Variants in AHNAK2 observed in about 807,000 individuals in gnomAD.
AHNAK2 encodes the protein AHNAK nucleoprotein 2.
Under a neutral mutation model 30.7 loss-of-function variants are expected in AHNAK2, and 18 were observed. The observed-to-expected ratio is 0.59, with a 90% confidence interval of 0.41 to 0.87. AHNAK2 has a LOEUF of 0.87. Ranked by LOEUF, AHNAK2 falls within the 40% of genes least tolerant of loss-of-function variation. The pLI is 0.00. For synonymous variants in AHNAK2, 3,590 were observed against 3,073.8 expected (o/e 1.17, Z -5.56); for missense variants, 8,604 against 7,373.0 (o/e 1.17, Z -6.11).
chr14:104,939,350 C>G lies in AHNAK2; in HGVS notation c.16101G>C (p.Gln5367His), dbSNP rs1482873812. ...GTTGATCCACATTAACCACAGAAAT[C>G]TGGGATGGCATATCAGTACTTGAAG... ...LKASSTDMPS[Q>H]ISVVNVDQLW... is the part of the protein sequence containing the mutation. Residue 5367 changes from glutamine to histidine, a missense_variant, in exon 7 of 7, where the codon CAG becomes CAC. Physicochemically the swap from Gln to His is conservative, Grantham distance 24. Coordinates refer to ENST00000333244, the MANE Select transcript of AHNAK2 (RefSeq NM_138420.4). The G allele has an allele frequency of 2.1e-5, 34 of 1,613,598 alleles. No individual in the cohort carries two copies. The highest frequency in any genetic ancestry group is 2.6e-5 in the Non-Finnish European group (31 of 1,179,874).
chr14:104,959,835 A>G (rs1247349578), intron 1 of AHNAK2, among the ~76,000 whole-genome samples: 1 of 152,206 alleles, frequency 6.6e-6, no homozygotes, highest in Non-Finnish European at 1.5e-5. Flanking sequence ...CTATGCAGGC[A>G]AATATAAAAG....
intron 1 of AHNAK2, among the ~76,000 whole-genome samples, chr14:104,959,858 T>C (rs1000842402): frequency 1.3e-5 from 2 of 152,172 alleles, no homozygotes; most frequent in African/African-American, 4.8e-5. Context: ...TCTATGAATA[T>C]ATATTGTCCT....
At chr14:104,977,114 G>T in intron 1 of AHNAK2, among the ~76,000 whole-genome samples, 1 of 152,306 alleles carries the variant, frequency 6.6e-6, no homozygotes, top group East Asian at 1.9e-4. Flanking sequence ...GCCTGCTGCA[G>T]CTGGGGGGCA....
In AHNAK2 at chr14:104,948,163, G is replaced by A. The variant is rs374763203; in HGVS notation, c.7288C>T (p.Leu2430=). The A allele has an allele frequency of 9.4e-5, 152 of 1,612,454 alleles. No individual in the cohort carries two copies. Among genetic ancestry groups the A allele is most frequent in the Non-Finnish European group, 2.4e-5 (28 of 1,179,594 alleles). ...QIDVKGPKLD[L]KGPKTDVMAP... is the part of the protein sequence containing the mutation. ...ATCACGTCCGTCTTGGGGCCTTTCA[G>A]GTCCAGCTTGGGGCCCTTGACATCT... The change falls in exon 7 of 7, where the codon CTG becomes TTG. Residue 2430 remains leucine, a synonymous_variant. Transcript: ENST00000333244.
In AHNAK2 at chr14:104,939,489, A is replaced by G; in HGVS notation, c.15962T>C (p.Leu5321Pro). Residue 5321 changes from leucine to proline, a missense_variant, in exon 7 of 7, where the codon CTT becomes CCT. Physicochemically the swap from Leu to Pro is moderately conservative, Grantham distance 98. Coordinates refer to ENST00000333244, the MANE Select transcript of AHNAK2 (RefSeq NM_138420.4). ...PGMRLPETQVLPGEIDETPLS... is the reference protein window; with the variant it reads ...PGMRLPETQVPPGEIDETPLS... ...AGGAGTCTCATCTATTTCTCCTGGA[A>G]GAACCTGGGTTTCTGGAAGCCTCAT... The G allele has an allele frequency of 6.2e-7, 1 of 1,613,588 alleles. No individual in the cohort carries two copies. The highest frequency in any genetic ancestry group is 1.1e-5 in the South Asian group (1 of 91,080).
In AHNAK2 at chr14:104,950,745, C is replaced by G. The variant is rs376661038; in HGVS notation, c.4706G>C (p.Gly1569Ala). 263 of 1,587,984 alleles carry G rather than the reference C, an allele frequency of 1.7e-4. 29 individuals carry two copies. In the South Asian group the frequency reaches 2.7e-3, roughly 16 times the overall value. Residue 1569 changes from glycine to alanine, a missense_variant, in exon 7 of 7, where the codon GGA becomes GCA. Coordinates refer to ENST00000333244, the MANE Select transcript of AHNAK2 (RefSeq NM_138420.4). ...VKLPEGPVSE[G>A]AGLKGHLPKV... ...GGGCAGGTGCCCTTTGAGGCCGGCTCCCTCGGACACAGGGCCCTCTGGGAG... is the reference window on the plus strand; with the variant it reads ...GGGCAGGTGCCCTTTGAGGCCGGCTGCCTCGGACACAGGGCCCTCTGGGAG...
At chr14:104,969,027 C>T (rs1295468877) in intron 1 of AHNAK2, among the ~76,000 whole-genome samples, 5 of 152,202 alleles carry the variant, frequency 3.3e-5, no homozygotes, top group Non-Finnish European at 5.9e-5. Flanking sequence ...AGGTGCCAAG[C>T]GGGCTGACTG....
chr14:104,943,580 G>C lies in AHNAK2; in HGVS notation c.11871C>G (p.Ala3957=), dbSNP rs375246824. 8 of 1,612,848 alleles carry C rather than the reference G, an allele frequency of 5.0e-6. No individual in the cohort carries two copies. The highest frequency in any genetic ancestry group is 1.7e-5 in the Admixed American group (1 of 59,904). Residue 3957 remains alanine, a synonymous_variant, in exon 7 of 7, where the codon GCC becomes GCG. Transcript: ENST00000333244. ...TGTCTTTGGCCGTCATGTCCTTGTC[G>C]GCCAGGGACAGGTCCCCCTCCAGCC... The part of the protein sequence containing the change: ...GARLEGDLSL[A]DKDMTAKDSK...
In AHNAK2 at chr14:104,946,451, C is replaced by T. The variant is rs369006372; in HGVS notation, c.9000G>A (p.Ser3000=). ...VSAPGKSIEV[S]VDVSAPKVEA... is the part of the protein sequence containing the mutation. ...CCACCTTCGGCGCAGACACATCCAC[C>T]GAGACCTCAATGGACTTGCCTGGGG... Residue 3000 remains serine (S), a synonymous_variant, in exon 7 of 7, where the codon TCG becomes TCA. Coordinates refer to ENST00000333244, the MANE Select transcript of AHNAK2 (RefSeq NM_138420.4). 729 of 1,612,854 alleles carry T rather than the reference C, an allele frequency of 4.5e-4. 13 individuals are homozygous for T. The African/African-American group carries it at 8.1e-3, about 18-fold the overall frequency.
chr14:104,941,819 C>T lies in AHNAK2; in HGVS notation c.13632G>A (p.Gly4544=). The T allele has an allele frequency of 1.2e-6, 2 of 1,613,490 alleles. No individual in the cohort carries two copies. Among genetic ancestry groups the T allele is most frequent in the African/African-American group, 1.3e-5 (1 of 74,950 alleles). The part of the protein sequence containing the change: ...GHMPEVAGLK[G]HLPKVEMPSF... Reference sequence around the variant, plus strand: ...TGGGCATCTCCACCTTGGGCAGGTGCCCTTTGAGGCCGGCTACCTCGGGCA... The same window carrying T: ...TGGGCATCTCCACCTTGGGCAGGTGTCCTTTGAGGCCGGCTACCTCGGGCA... Residue 4544 remains glycine, a synonymous_variant, in exon 7 of 7, where the codon GGG becomes GGA. Transcript: ENST00000333244.
Position 104,945,192 on chromosome 14 carries a change from A to C in AHNAK2, c.10259T>G (p.Leu3420Arg), listed in dbSNP as rs1327329959. 6.2e-7 allele frequency: 1 copy of C among 1,612,820 alleles called. No individual in the cohort carries two copies. Among genetic ancestry groups the C allele is most frequent in the African/African-American group, 1.3e-5 (1 of 74,510 alleles). ...QVDIKGPKLD[L>R]KVPKAEVTVP... ...TGTCACTTCCGCCTTGGGGACTTTT[A>C]GGTCCAGCTTGGGGCCCTTGATGTC... is the stretch of plus-strand genomic sequence containing the variant. Residue 3420 changes from leucine to arginine, a missense_variant, in exon 7 of 7, where the codon CTA (leucine) becomes CGA (arginine). Coordinates refer to ENST00000333244, the MANE Select transcript of AHNAK2 (RefSeq NM_138420.4).
In AHNAK2 at chr14:104,945,500, C is replaced by T. The variant is rs748819042; in HGVS notation, c.9951G>A (p.Ser3317=). 2.7e-5 allele frequency: 43 copies of T among 1,612,686 alleles called. No homozygotes were observed. Among genetic ancestry groups the T allele is most frequent in the East Asian group, 4.5e-5 (2 of 44,734 alleles). The change falls in exon 7 of 7, where the codon TCG becomes TCA. Residue 3317 remains serine, a synonymous_variant. Coordinates refer to ENST00000333244, the MANE Select transcript of AHNAK2 (RefSeq NM_138420.4). ...KFKMPKFKMP[S]YRASAPGKSI... ...ACTTGCCTGGGGCAGACGCCCTGTA[C>T]GACGGCATCTTGAATTTGGGCATTT...
chr14:104,977,893 T>C (rs1899636745), intron 1 of AHNAK2, among the ~76,000 whole-genome samples: 1 of 144,110 alleles, frequency 6.9e-6, no homozygotes, highest in African/African-American at 2.6e-5. Context: ...ACAGAGGGAG[T>C]GAGCGACAGA....
rs374889529 is a variant in AHNAK2 at position 104,950,848 on chromosome 14, C to G, written c.4603G>C (p.Asp1535His). The G allele has an allele frequency of 6.3e-7, 1 of 1,585,110 alleles. No homozygotes were observed. The highest frequency in any genetic ancestry group is 8.6e-7 in the Non-Finnish European group (1 of 1,161,096). The change falls in exon 7 of 7, where the codon GAC (aspartate) becomes CAC (histidine). Residue 1535 changes from aspartate to histidine, a missense_variant. Physicochemically the swap from Asp to His is moderately conservative, Grantham distance 81. Transcript: ENST00000333244. The part of the protein sequence containing the change: ...ADVSLPSMQG[D>H]LKATDLSIQP... The stretch of plus-strand genomic sequence containing the variant: ...ATGCTCAGGTCAGTGGCCTTGAGGT[C>G]CCCCTGCATGGAGGGGAGGCTCACG...
chr14:104,947,458 C>G lies in AHNAK2; in HGVS notation c.7993G>C (p.Glu2665Gln). ...MPSFRVSAPG[E>Q]SIEALVDVSE... The stretch of plus-strand genomic sequence containing the variant: ...ACATCCACCAACGCCTCGATGGACT[C>G]GCCTGGGGCCGACACCCTGAATGAT... The change falls in exon 7 of 7, where the codon GAG becomes CAG. Residue 2665 changes from glutamate (E) to glutamine (Q), a missense_variant. Transcript: ENST00000333244. The G allele has an allele frequency of 1.2e-6, 2 of 1,610,372 alleles. No individual in the cohort carries two copies. Among genetic ancestry groups the G allele is most frequent in the Middle Eastern group, 1.7e-4 (1 of 6,026 alleles).
rs569888421 is a variant in AHNAK2 at position 104,942,566 on chromosome 14, G to A, written c.12885C>T (p.Asp4295=). 7.4e-6 allele frequency: 12 copies of A among 1,613,238 alleles called. 1 individual carries two copies. The South Asian group carries it at 7.7e-5, about 10-fold the overall frequency. ...TGAACTTGGGCATTTTGAACTTGCT[G>A]TCTTTGGCAGTCATGTCCTTGTCGG... ...SLADKDMTAK[D]SKFKMPKFKM... is the part of the protein sequence containing the mutation. The change falls in exon 7 of 7, where the codon GAC becomes GAT. Residue 4295 remains aspartate (D), a synonymous_variant. Transcript: ENST00000333244.
rs1360053185 is a variant in AHNAK2 at position 104,948,320 on chromosome 14, G to C, written c.7131C>G (p.Val2377=). 6.2e-7 allele frequency: 1 copy of C among 1,612,472 alleles called. No individual in the cohort carries two copies. Among genetic ancestry groups the C allele is most frequent in the African/African-American group, 1.3e-5 (1 of 74,400 alleles). Residue 2377 remains valine, a synonymous_variant, in exon 7 of 7, where the codon GTC becomes GTG. Transcript: ENST00000333244. The part of the protein sequence containing the change: ...SVQPPSADLE[V]QAGQVDVKLP... ...GTTTCACATCCACTTGGCCAGCCTG[G>C]ACCTCCAGGTCAGCGGAAGGGGGCT...
chr14:104,967,142 C>G (rs141849634), intron 1 of AHNAK2, among the ~76,000 whole-genome samples: 4 of 152,326 alleles, frequency 2.6e-5, no homozygotes, highest in African/African-American at 4.8e-5. Context: ...CTGCCTAGCA[C>G]TCAGGGTGGG....
chr14:104,970,295 C>T (rs1258544374), intron 1 of AHNAK2, among the ~76,000 whole-genome samples: 2 of 152,158 alleles, frequency 1.3e-5, no homozygotes, highest in Non-Finnish European at 2.9e-5. Context: ...GCTGGAGCCA[C>T]GGTGAACTAA....
Sources: gnomAD v4.1 joint callset for allele counts (sites outside exome capture counted in the v4.1 genomes callset) on GRCh38, gnomAD v4.1.1 for gene constraint, MANE v1.5 for transcripts, NCBI Gene and HGNC (gene_info 2026-07-23, HGNC 2026-07-21) for gene names.